The following FAM219A variants were observed in gnomAD, a reference collection of about 807,000 sequenced individuals.
The protein encoded by FAM219A is family with sequence similarity 219 member A.
Under a neutral mutation model 23.4 loss-of-function variants are expected in FAM219A, and 7 were observed. That is an observed-to-expected ratio of 0.30 (90% CI 0.17 to 0.56). The LOEUF is 0.56. Among genes scored for constraint, FAM219A ranks in the 20% least tolerant of loss-of-function variants. The pLI, the probability that FAM219A is intolerant of heterozygous loss-of-function variation, is 0.92. For missense variants in FAM219A, 166 were observed against 246.9 expected, an observed-to-expected ratio of 0.67 and a Z score of 2.20; for synonymous variants, 93 against 99.0, an observed-to-expected ratio of 0.94 and a Z score of 0.36.
chr9:34,400,936 G>A lies in FAM219A; in HGVS notation c.*28C>T, dbSNP rs1356110556. 1.1e-5 allele frequency: 17 copies of A among 1,507,332 alleles called. No individual in the cohort carries two copies. The highest frequency in any genetic ancestry group is 2.4e-5 in the East Asian group (1 of 41,076). 93.4% of individuals were successfully genotyped at this position (1,507,332 alleles called of 1,614,324 possible). A position where few individuals can be genotyped will look rare whatever the true frequency, so the allele number is the denominator to read the frequency against. Reference sequence around the variant, plus strand: ...GTCCTACCCGGCCCTTGGCGGCCCCGCCCCGGCGACCGCAGTGGCCCCGCC... The same window carrying A: ...GTCCTACCCGGCCCTTGGCGGCCCCACCCCGGCGACCGCAGTGGCCCCGCC... On this transcript the variant is annotated 3_prime_UTR_variant, in exon 6 of 6. Transcript: ENST00000651358.
intron 1 of FAM219A, among the ~76,000 whole-genome samples, chr9:34,428,473 G>A (rs1822568205): frequency 1.3e-5 from 2 of 152,238 alleles, no homozygotes; most frequent in African/African-American, 4.8e-5. Flanking sequence ...GAGTAAATGA[G>A]TTCTCCCAGG....
In FAM219A at chr9:34,416,273, G is replaced by GGAA. The variant is rs1822021123; in HGVS notation, c.61-10310_61-10309insTTC. The stretch of plus-strand genomic sequence containing the variant: ...AAAGAAAGAAAGGGGGAGGGAGGGA[G>GGAA]GGAAGGAAGGAAGGAAGGAAGGAAG... On this transcript the variant is annotated intron_variant, in intron 1 of 5. Coordinates refer to ENST00000651358, the MANE Select transcript of FAM219A (RefSeq NM_001184940.2). Among the ~76,000 whole-genome samples, 7 of 114,186 alleles carry GGAA rather than the reference G, an allele frequency of 6.1e-5. No homozygotes were observed. In the East Asian group the frequency reaches 1.1e-3, roughly 18 times the overall value. 74.9% of individuals were successfully genotyped at this position (114,186 alleles called of 152,430 possible). A position where few individuals can be genotyped will look rare whatever the true frequency, so the allele number is the denominator to read the frequency against.
At chr9:34,414,534 A>AAAATG (rs1413337066) in intron 1 of FAM219A, among the ~76,000 whole-genome samples, 1 of 152,226 alleles carries the variant, frequency 6.6e-6, no homozygotes, top group Non-Finnish European at 1.5e-5. Flanking sequence ...AAAATAAAAT[A>AAAATG]AAATAAAACA....
Position 34,458,124 on chromosome 9 carries a change from A to G in FAM219A, c.60+80T>C. ...CCATCCGATGGCGCCCCTCCGCACGATCCCCCCGGCCTGATTCCCTCCCTC... is the reference window on the plus strand; with the variant it reads ...CCATCCGATGGCGCCCCTCCGCACGGTCCCCCCGGCCTGATTCCCTCCCTC... On this transcript the variant is annotated intron_variant, in intron 1 of 5. Coordinates refer to ENST00000651358, the MANE Select transcript of FAM219A (RefSeq NM_001184940.2). This position sits in a 1 kb window ranked among gnomAD's most constrained non-coding sequence, Gnocchi z 6.6. The G allele has an allele frequency of 7.5e-7, 1 of 1,336,136 alleles. No individual in the cohort carries two copies. Among genetic ancestry groups the G allele is most frequent in the Non-Finnish European group, 1.0e-6 (1 of 1,001,682 alleles). 82.8% of individuals were successfully genotyped at this position (1,336,136 alleles called of 1,614,324 possible).
chr9:34,401,171 A>T lies in FAM219A; in HGVS notation c.400-49T>A, dbSNP rs757767700. ...CAGGCCCGAGCGGCAGGGAGGCACC[A>T]CCCACAGCTCTGCGGCCACTCCAGG... On this transcript the variant is annotated intron_variant, in intron 5 of 5. Transcript: ENST00000651358. The T allele has an allele frequency of 2.5e-5, 40 of 1,596,800 alleles. No homozygotes were observed. In the Admixed American group the frequency reaches 6.6e-4, roughly 26 times the overall value.
chr9:34,440,532 A>T (rs1018175355), intron 1 of FAM219A, among the ~76,000 whole-genome samples: 4 of 151,554 alleles, frequency 2.6e-5, no homozygotes, highest in Non-Finnish European at 5.9e-5. Flanking sequence ...TCCAGCCCTC[A>T]CAGGTTTTTT....
Position 34,400,993 on chromosome 9 carries a change from T to C in FAM219A, c.529A>G (p.Thr177Ala). ...VNPTCMCCQA[T>A]SSTACHIQ ...TGAATGTGGCAGGCGGTGGAGGACG[T>C]GGCCTGGCAGCACATGCACGTGGGG... The change falls in exon 6 of 6, where the codon ACG becomes GCG. Residue 177 changes from threonine (T) to alanine (A), a missense_variant. Coordinates refer to ENST00000651358, the MANE Select transcript of FAM219A (RefSeq NM_001184940.2). 6.4e-7 allele frequency: 1 copy of C among 1,567,210 alleles called. No individual in the cohort carries two copies. The highest frequency in any genetic ancestry group is 8.7e-7 in the Non-Finnish European group (1 of 1,152,812).
At chr9:34,455,513 C>T (rs1349299448) in intron 1 of FAM219A, among the ~76,000 whole-genome samples, 3 of 144,564 alleles carry the variant, frequency 2.1e-5, no homozygotes, top group Non-Finnish European at 4.5e-5. Context: ...GTTGCCCAGG[C>T]TGGAATGTAG....
intron 1 of FAM219A, among the ~76,000 whole-genome samples, chr9:34,425,308 C>A (rs1043640450): frequency 6.6e-6 from 1 of 151,810 alleles, no homozygotes; most frequent in Admixed American, 6.6e-5. Context: ...GGTGCAACCC[C>A]GTCTCTACCA....
At chr9:34,430,102 A>C (rs577991613) in intron 1 of FAM219A, among the ~76,000 whole-genome samples, 1 of 152,186 alleles carries the variant, frequency 6.6e-6, no homozygotes, top group Non-Finnish European at 1.5e-5. Context: ...AGAGCTAGAC[A>C]TGTGTGGGGG....
At chr9:34,431,934 G>A (rs957482019) in intron 1 of FAM219A, among the ~76,000 whole-genome samples, 1 of 152,222 alleles carries the variant, frequency 6.6e-6, no homozygotes, top group Non-Finnish European at 1.5e-5. Context: ...GTATAGTGCA[G>A]TGCTTAAAAG....
chr9:34,418,301 G>A (rs1398538249), intron 1 of FAM219A, among the ~76,000 whole-genome samples: 2 of 152,112 alleles, frequency 1.3e-5, no homozygotes, highest in African/African-American at 4.8e-5. Context: ...TTCATGGTTA[G>A]GACAAGACTG....
In FAM219A at chr9:34,417,565, T is replaced by G. The variant is rs537699291; in HGVS notation, c.61-11601A>C. Among the ~76,000 whole-genome samples, 4 of 152,334 alleles carry G rather than the reference T, an allele frequency of 2.6e-5. No individual in the cohort carries two copies. The South Asian group carries it at 8.3e-4, about 32-fold the overall frequency. ...AAAGTAGATTACTCAGTAAAAAACA[T>G]GAGTGCTTTTAAGTTTCTTGATAGA... On this transcript the variant is annotated intron_variant, in intron 1 of 5. Transcript: ENST00000651358. This position sits in a 1 kb window ranked among gnomAD's most constrained non-coding sequence, Gnocchi z 4.1.
chr9:34,407,957 G>A (rs1292932683), intron 1 of FAM219A, among the ~76,000 whole-genome samples: 1 of 152,226 alleles, frequency 6.6e-6, no homozygotes, highest in Non-Finnish European at 1.5e-5. Flanking sequence ...AACGGGAAAG[G>A]GAAAAGTCTA....
chr9:34,400,346 A>C lies in FAM219A; in HGVS notation c.*618T>G, dbSNP rs1821372660. 6.6e-6 allele frequency: 1 copy of C among 152,462 alleles called. No individual in the cohort carries two copies. Among genetic ancestry groups the C allele is most frequent in the Non-Finnish European group, 1.5e-5 (1 of 68,270 alleles). 9.4% of individuals were successfully genotyped at this position (152,462 alleles called of 1,614,324 possible). A position where few individuals can be genotyped will look rare whatever the true frequency, so the allele number is the denominator to read the frequency against. The stretch of plus-strand genomic sequence containing the variant: ...TCCCAGAGTGCAAGGAAGCGGGTGA[A>C]TGGGGCAAGAGGAGGAAGAAGGCAG... On this transcript the variant is annotated 3_prime_UTR_variant, in exon 6 of 6. Transcript: ENST00000651358.
At chr9:34,441,369 G>A (rs1266417849) in intron 1 of FAM219A, among the ~76,000 whole-genome samples, 3 of 152,242 alleles carry the variant, frequency 2.0e-5, no homozygotes, top group Non-Finnish European at 2.9e-5. Flanking sequence ...AGCAGATGCA[G>A]GAGCTTCATG....
chr9:34,430,360 C>T (rs1166085064), intron 1 of FAM219A, among the ~76,000 whole-genome samples: 1 of 151,940 alleles, frequency 6.6e-6, no homozygotes, highest in Non-Finnish European at 1.5e-5. Flanking sequence ...AAAACCCTGT[C>T]TCTACAAAAC....
At position 34,458,270 on chromosome 9, in the gene FAM219A, G is replaced by C; in HGVS notation, c.-7C>G. On this transcript the variant is annotated 5_prime_UTR_variant, in exon 1 of 6. Transcript: ENST00000651358. This position sits in a 1 kb window ranked among gnomAD's most constrained non-coding sequence, Gnocchi z 6.6. ...GGTCGATCTCCTCCATCATGGTGCCGGCGGGCGAGCGGGCCAGGGGCCGGG... is the reference window on the plus strand; with the variant it reads ...GGTCGATCTCCTCCATCATGGTGCCCGCGGGCGAGCGGGCCAGGGGCCGGG... 3.2e-6 allele frequency: 5 copies of C among 1,543,316 alleles called. No homozygotes were observed. The highest frequency in any genetic ancestry group is 4.3e-6 in the Non-Finnish European group (5 of 1,149,674).
chr9:34,446,200 G>A (rs1823365775), intron 1 of FAM219A, among the ~76,000 whole-genome samples: 1 of 151,606 alleles, frequency 6.6e-6, no homozygotes, highest in East Asian at 1.9e-4. Flanking sequence ...GCGGGGCGGG[G>A]GGAATTAAAG....
Sources: gnomAD v4.1 joint callset for allele counts (sites outside exome capture counted in the v4.1 genomes callset) on GRCh38, gnomAD v4.1.1 for gene constraint, Gnocchi (gnomAD v3.1) non-coding constraint, MANE v1.5 for transcripts, NCBI Gene and HGNC (gene_info 2026-07-23, HGNC 2026-07-21) for gene names.